Variants in SCHIP1 observed in about 807,000 individuals in gnomAD.
SCHIP1 encodes the protein schwannomin-interacting protein 1.
SCHIP1 carries 8 observed loss-of-function variants against 29.7 expected under a neutral mutation model. The observed-to-expected ratio is 0.27, with a 90% CI of 0.16 to 0.49. The LOEUF (loss-of-function observed/expected upper bound fraction) is 0.49, where lower values mean the gene tolerates loss of function less well. Ranked by LOEUF, SCHIP1 falls within the 20% of genes least tolerant of loss-of-function variation. The pLI is 0.99. For synonymous variants in SCHIP1, 76 were observed against 94.9 expected, an observed-to-expected ratio of 0.80 and a Z score of 1.16; for missense variants, 193 against 294.6, an observed-to-expected ratio of 0.66 and a Z score of 2.52.
the SCHIP1 span, among the ~76,000 whole-genome samples, chr3:159,417,140 T>C: frequency 1.8e-4 from 28 of 152,214 alleles, no homozygotes; most frequent in Admixed American, 1.8e-3. Context: ...TTGGTTCACT[T>C]CACTTGGCAG....
chr3:159,760,515 T>G, the SCHIP1 span, among the ~76,000 whole-genome samples: 1 of 152,244 alleles, frequency 6.6e-6, no homozygotes, highest in Non-Finnish European at 1.5e-5. Context: ...TTAACCTCAC[T>G]GTCTTCAGCC....
At chr3:159,616,839 G>A in the SCHIP1 span, among the ~76,000 whole-genome samples, 10 of 152,170 alleles carry the variant, frequency 6.6e-5, no homozygotes, top group South Asian at 1.0e-3. Context: ...TGGAACAGCC[G>A]CCATCTAGAT....
the SCHIP1 span, among the ~76,000 whole-genome samples, chr3:159,336,831 T>G: frequency 2.6e-5 from 4 of 152,202 alleles, no homozygotes; most frequent in Non-Finnish European, 4.4e-5. Context: ...TGCAGGCTCT[T>G]TTTTGATTCC....
At chr3:159,772,795 C>T in the SCHIP1 span, among the ~76,000 whole-genome samples, 2 of 152,172 alleles carry the variant, frequency 1.3e-5, no homozygotes, top group Non-Finnish European at 2.9e-5. Flanking sequence ...GGCTGGAGTA[C>T]AGTGGCGCAA....
chr3:159,696,777 T>C, the SCHIP1 span, among the ~76,000 whole-genome samples: 188 of 152,318 alleles, frequency 1.2e-3, no homozygotes, highest in African/African-American at 4.4e-3. Context: ...AGCCATCCTT[T>C]GGTTGAGCCT....
the SCHIP1 span, among the ~76,000 whole-genome samples, chr3:159,367,190 C>T: frequency 6.6e-6 from 1 of 152,060 alleles, no homozygotes; most frequent in Non-Finnish European, 1.5e-5. Context: ...GTCAAGAGTT[C>T]GAGACCAGCC....
At chr3:159,427,291 A>G in the SCHIP1 span, among the ~76,000 whole-genome samples, 2 of 151,562 alleles carry the variant, frequency 1.3e-5, no homozygotes, top group Non-Finnish European at 2.9e-5. Flanking sequence ...GATTGTATAT[A>G]TAGAAAACCC....
At chr3:159,676,667 T>C in the SCHIP1 span, among the ~76,000 whole-genome samples, 4 of 152,174 alleles carry the variant, frequency 2.6e-5, no homozygotes, top group Admixed American at 1.3e-4. Context: ...GTCTGGAGGA[T>C]AGGAGAGGAG....
In SCHIP1 at chr3:159,864,510, C is replaced by CAT. The variant is rs1239101739; in HGVS notation, c.31-1652_31-1651insTA. On this transcript the variant is annotated intron_variant, in intron 1 of 6. Transcript: ENST00000445224. ...ACACACACACACACACACACACACACACACATATGCTAGCTCCTAGTATGA... is the reference window on the plus strand; with the variant it reads ...ACACACACACACACACACACACACACATACACATATGCTAGCTCCTAGTATGA... Among the ~76,000 whole-genome samples, 35 of 146,968 alleles carry CAT rather than the reference C, an allele frequency of 2.4e-4. No homozygotes were observed. The East Asian group carries it at 4.1e-3, about 17-fold the overall frequency.
the SCHIP1 span, among the ~76,000 whole-genome samples, chr3:159,740,726 TAGCCAAAAA>T: frequency 9.2e-6 from 1 of 108,898 alleles, no homozygotes. Context: ...CTTCATTGTG[TAGCCAAAAA>T]AGGAAGGAAA....
the SCHIP1 span, among the ~76,000 whole-genome samples, chr3:159,288,375 T>G: frequency 6.6e-6 from 1 of 152,148 alleles, no homozygotes; most frequent in African/African-American, 2.4e-5. Flanking sequence ...GAAGTCACAG[T>G]AAAAAATGAA....
the SCHIP1 span, among the ~76,000 whole-genome samples, chr3:159,695,997 T>A: frequency 5.9e-5 from 9 of 152,136 alleles, no homozygotes; most frequent in South Asian, 1.9e-3. Context: ...CCTCATTGAG[T>A]AGTCAAACCT....
At chr3:159,555,029 C>A in the SCHIP1 span, among the ~76,000 whole-genome samples, 1 of 152,110 alleles carries the variant, frequency 6.6e-6, no homozygotes, top group Non-Finnish European at 1.5e-5. Context: ...ACCAGCACCA[C>A]ACACACATAT....
intron 6 of SCHIP1, among the ~76,000 whole-genome samples, chr3:159,895,794 C>T (rs1560100927): frequency 6.6e-6 from 1 of 152,212 alleles, no homozygotes; most frequent in African/African-American, 2.4e-5. Flanking sequence ...CTCCCGGGTT[C>T]AAGCAATTTT....
chr3:159,411,481 A>G, the SCHIP1 span, among the ~76,000 whole-genome samples: 1 of 152,178 alleles, frequency 6.6e-6, no homozygotes, highest in Non-Finnish European at 1.5e-5. Context: ...CCTCAACTGC[A>G]GCACATATGT....
the SCHIP1 span, among the ~76,000 whole-genome samples, chr3:159,603,829 T>C: frequency 2.0e-5 from 3 of 152,162 alleles, no homozygotes; most frequent in African/African-American, 7.2e-5. Flanking sequence ...GGGCTGTATC[T>C]GGTGAGAGGC....
At chr3:159,405,349 C>A in the SCHIP1 span, among the ~76,000 whole-genome samples, 1 of 152,024 alleles carries the variant, frequency 6.6e-6, no homozygotes, top group African/African-American at 2.4e-5. Context: ...GCCTTTCAGA[C>A]AAAGAATTCA....
At chr3:159,717,578 A>G in the SCHIP1 span, among the ~76,000 whole-genome samples, 2 of 152,166 alleles carry the variant, frequency 1.3e-5, no homozygotes, top group East Asian at 3.9e-4. Flanking sequence ...AATACAAACT[A>G]CCATCAGAGA....
chr3:159,847,204 C>T (rs1266263880), intron 1 of SCHIP1, among the ~76,000 whole-genome samples: 5 of 152,144 alleles, frequency 3.3e-5, no homozygotes, highest in Non-Finnish European at 7.3e-5. Context: ...TATCACATTG[C>T]ATTGATGCTT....
Sources: gnomAD v4.1 joint callset for allele counts (sites outside exome capture counted in the v4.1 genomes callset) on GRCh38, gnomAD v4.1.1 for gene constraint, MANE v1.5 for transcripts, NCBI Gene and HGNC (gene_info 2026-07-23, HGNC 2026-07-21) for gene names.